Variants in ITGA1 observed in about 807,000 individuals in gnomAD.
The protein encoded by ITGA1 is integrin alpha-1.
A neutral mutation model predicts 145.9 loss-of-function variants in ITGA1; 85 were observed. The observed-to-expected ratio is 0.58, with a 90% CI of 0.49 to 0.70. The LOEUF is 0.70. Ranked by LOEUF, ITGA1 falls within the 30% of genes least tolerant of loss-of-function variation. ITGA1 has a pLI of 0.00. For synonymous variants in ITGA1, 520 were observed against 495.3 expected (o/e 1.05, Z -0.66); for missense variants, 1,351 against 1,418.7 (o/e 0.95, Z 0.77).
Position 52,882,595 on chromosome 5 carries a change from C to T in ITGA1, c.773+574C>T, listed in dbSNP as rs572885255. Among the ~76,000 whole-genome samples, 3 of 152,154 alleles carry T rather than the reference C, an allele frequency of 2.0e-5. No homozygotes were observed. In the East Asian group the frequency reaches 5.8e-4, roughly 29 times the overall value. On this transcript the variant is annotated intron_variant, in intron 7 of 28. Coordinates refer to ENST00000282588, the MANE Select transcript of ITGA1 (RefSeq NM_181501.2). ...TCCTTTTTTACTTTCTTTAGATTCC[C>T]TCCAATTTACAACCCTTCCTTTCTT...
rs1280301397 is a variant in ITGA1 at position 52,922,885 on chromosome 5, T to C, written c.2401T>C (p.Tyr801His). The change falls in exon 18 of 29, where the codon TAT becomes CAT. Residue 801 changes from tyrosine (Y) to histidine (H), a missense_variant and splice_region_variant. Tyr to His is a moderately conservative substitution (Grantham distance 83). Coordinates refer to ENST00000282588, the MANE Select transcript of ITGA1 (RefSeq NM_181501.2). ...DDSLPNSVHE[Y>H]IPFAKDCGNK... ...TTCTCTACCAAACTCAGTACATGAA[T>C]ATGTAAGTCAGATTTCTTTAAAATA... is the stretch of plus-strand genomic sequence containing the variant. 2.6e-6 allele frequency: 4 copies of C among 1,538,076 alleles called. No individual in the cohort carries two copies. The African/African-American group carries it at 4.1e-5, about 16-fold the overall frequency.
At chr5:52,918,668 C>T in intron 15 of ITGA1, 64 bp from the exon 16 acceptor site, 2 of 1,536,172 alleles carry the variant, frequency 1.3e-6, no homozygotes, top group Non-Finnish European at 1.8e-6. Context: ...ACTTTGCACT[C>T]CCAAGTTGAT....
chr5:52,853,647 T>G (rs925751713), intron 2 of ITGA1, among the ~76,000 whole-genome samples: 1 of 152,184 alleles, frequency 6.6e-6, no homozygotes, highest in African/African-American at 2.4e-5. Flanking sequence ...TAGCCTTATG[T>G]CCTCTTTACT....
intron 13 of ITGA1, among the ~76,000 whole-genome samples, chr5:52,909,680 TC>T (rs1264082329): frequency 6.7e-6 from 1 of 149,126 alleles, no homozygotes; most frequent in Non-Finnish European, 1.5e-5. Context: ...TTTGGCTTCC[TC>T]CTGTCAACTT....
intron 1 of ITGA1, among the ~76,000 whole-genome samples, chr5:52,845,606 T>A (rs1749320299): frequency 6.6e-6 from 1 of 152,176 alleles, no homozygotes; most frequent in South Asian, 2.1e-4. Flanking sequence ...GGTTTTCAAC[T>A]GGGGACAATT....
chr5:52,926,027 T>C (rs376520364), intron 19 of ITGA1, among the ~76,000 whole-genome samples: 1 of 152,182 alleles, frequency 6.6e-6, no homozygotes, highest in African/African-American at 2.4e-5. Context: ...GTAATCAGTG[T>C]TTCCAAATGT....
At chr5:52,810,579 G>T (rs1208279852) in intron 1 of ITGA1, among the ~76,000 whole-genome samples, 1 of 152,196 alleles carries the variant, frequency 6.6e-6, no homozygotes, top group African/African-American at 2.4e-5. Context: ...GTGTGTCAGT[G>T]TGTTCTCAGC....
At chr5:52,947,242 G>A (rs540547098) in intron 27 of ITGA1, 103 bp from the exon 28 acceptor site, 94 of 690,038 alleles carry the variant, frequency 1.4e-4, no homozygotes, top group East Asian at 4.9e-4. Flanking sequence ...ATATAGTAAC[G>A]AGATTAATGC....
In ITGA1 at chr5:52,788,345, G is replaced by A. The variant is rs779677015; in HGVS notation, c.-9G>A. 32 of 1,503,940 alleles carry A rather than the reference G, an allele frequency of 2.1e-5. No individual in the cohort carries two copies. Among genetic ancestry groups the A allele is most frequent in the South Asian group, 3.7e-5 (3 of 80,938 alleles). The allele number at this position is 1,503,940 out of a possible 1,614,324, so 93.2% of individuals were successfully genotyped here. A position where few individuals can be genotyped will look rare whatever the true frequency, so the allele number is the denominator to read the frequency against. ...AGCGCGGCCCCCTGGCGCTGAGGCT[G>A]CTCCGGCCATGGCCCCTCGGCCCCG... On this transcript the variant is annotated 5_prime_UTR_variant, in exon 1 of 29. Transcript: ENST00000282588.
rs1253354232 is a variant in ITGA1 at position 52,910,380 on chromosome 5, T to C, written c.1818T>C (p.Tyr606=). 1.2e-6 allele frequency: 2 copies of C among 1,613,758 alleles called. No homozygotes were observed. Among genetic ancestry groups the C allele is most frequent in the Non-Finnish European group, 8.5e-7 (1 of 1,179,798 alleles). Residue 606 remains tyrosine (Y), a synonymous_variant, in exon 14 of 29, where the codon TAT becomes TAC. Transcript: ENST00000282588. ...EDDHGGAVYI[Y]HGSGKTIRKE... Reference sequence around the variant, plus strand: ...ATCACGGGGGAGCTGTGTACATTTATCATGGAAGTGGCAAGACTATAAGGA... The same window carrying C: ...ATCACGGGGGAGCTGTGTACATTTACCATGGAAGTGGCAAGACTATAAGGA...
At position 52,954,662 on chromosome 5, in the gene ITGA1, T is replaced by C. The variant is rs1751277101; in HGVS notation, c.*2211T>C. On this transcript the variant is annotated 3_prime_UTR_variant, in exon 29 of 29. Coordinates refer to ENST00000282588, the MANE Select transcript of ITGA1 (RefSeq NM_181501.2). ...GCATGTGCAGACACATGTACACATA[T>C]AAATTGAATACAAAAATAGCTCTAT... The C allele has an allele frequency of 6.6e-6, 1 of 152,088 alleles. No homozygotes were observed. Among genetic ancestry groups the C allele is most frequent in the Non-Finnish European group, 1.5e-5 (1 of 68,002 alleles). The allele number at this position is 152,088 out of a possible 1,614,324, so 9.4% of individuals were successfully genotyped here. A position where few individuals can be genotyped will look rare whatever the true frequency, so the allele number is the denominator to read the frequency against.
At chr5:52,894,520 CA>C (rs796541284) in intron 9 of ITGA1, among the ~76,000 whole-genome samples, 65 of 145,558 alleles carry the variant, frequency 4.5e-4, no homozygotes, top group Middle Eastern at 3.5e-3. Context: ...TCCTAAAAAA[CA>C]AAAAAAAAAA....
intron 10 of ITGA1, 80 bp downstream of exon 10, chr5:52,897,608 T>C (rs1750246665): frequency 2.0e-6 from 2 of 984,130 alleles, no homozygotes; most frequent in Non-Finnish European, 3.2e-6. Context: ...GCCATCAGTA[T>C]GTAAGTGCAA....
chr5:52,845,562 G>A (rs1193094236), intron 1 of ITGA1, among the ~76,000 whole-genome samples: 3 of 152,134 alleles, frequency 2.0e-5, no homozygotes, highest in Non-Finnish European at 4.4e-5. Flanking sequence ...AAAATAATTG[G>A]TGGTGATGTT....
At chr5:52,800,358 G>A in intron 1 of ITGA1, 1 of 1,611,962 alleles carries the variant, frequency 6.2e-7, no homozygotes, top group Non-Finnish European at 8.5e-7. Flanking sequence ...GACCTCCTTG[G>A]TTCCTTTGGT....
intron 23 of ITGA1, among the ~76,000 whole-genome samples, chr5:52,935,520 T>C (rs1750952575): frequency 6.6e-6 from 1 of 152,186 alleles, no homozygotes; most frequent in East Asian, 1.9e-4. Context: ...ACTAGCTTTG[T>C]GATCTTGGAA....
intron 6 of ITGA1, chr5:52,867,138 T>C (rs1749700758): frequency 6.6e-6 from 1 of 151,978 alleles, no homozygotes; most frequent in Non-Finnish European, 1.5e-5. Context: ...TATGTGCACA[T>C]ATATATACAT....
At chr5:52,795,419 C>A (rs537232349) in intron 1 of ITGA1, among the ~76,000 whole-genome samples, 1 of 151,950 alleles carries the variant, frequency 6.6e-6, no homozygotes, top group Non-Finnish European at 1.5e-5. Context: ...TTAAGGGTCA[C>A]AAGCTAAGCA....
chr5:52,912,181 A>T (rs1050700058), intron 14 of ITGA1, among the ~76,000 whole-genome samples: 4 of 143,486 alleles, frequency 2.8e-5, no homozygotes, highest in Non-Finnish European at 6.1e-5. Context: ...TAGTATATAG[A>T]TACGCTATAT....
Sources: allele counts gnomAD v4.1 joint callset (sites outside exome capture counted in the v4.1 genomes callset), GRCh38; gene constraint gnomAD v4.1.1; transcripts MANE v1.5; gene names NCBI Gene and HGNC (gene_info 2026-07-23, HGNC 2026-07-21).